Variants in ANGPTL6 observed in about 807,000 individuals in gnomAD.
ANGPTL6 encodes angiopoietin-related protein 6.
In ANGPTL6, 45 loss-of-function variants were observed where a neutral mutation model predicts 47.4. The ratio of observed to expected loss-of-function variants is 0.95; its 90% CI spans 0.75 to 1.22. The LOEUF (loss-of-function observed/expected upper bound fraction) is 1.22. Among genes scored for constraint, ANGPTL6 ranks in the 50% most tolerant of loss-of-function variants. ANGPTL6 has a pLI of 0.00. For synonymous variants in ANGPTL6, 290 were observed against 295.9 expected, an observed-to-expected ratio of 0.98 and a Z score of 0.20; for missense variants, 698 against 669.4, an observed-to-expected ratio of 1.04 and a Z score of -0.47.
Position 10,092,748 on chromosome 19 carries a change from C to T in ANGPTL6, c.1254G>A (p.Trp418Ter), listed in dbSNP as rs1341111356. The T allele has an allele frequency of 8.1e-6, 13 of 1,609,620 alleles. No individual in the cohort carries two copies. Among genetic ancestry groups the T allele is most frequent in the Non-Finnish European group, 1.1e-5 (13 of 1,176,544 alleles). The change falls in exon 6 of 6, where the codon TGG (tryptophan) becomes TGA (stop). Residue 418 changes from tryptophan (W) to a stop codon, truncating the protein, a stop_gained. Coordinates refer to ENST00000253109, the MANE Select transcript of ANGPTL6 (RefSeq NM_031917.3). LOFTEE classifies it high-confidence loss of function. ...TGGAGTGGGCACAGGCATGGTACCACCAGCCTCCCCGCTGGTACAGGGCAC... is the reference window on the plus strand; with the variant it reads ...TGGAGTGGGCACAGGCATGGTACCATCAGCCTCCCCGCTGGTACAGGGCAC... ...GNCALYQRGG[W>*]WYHACAHSNL...
chr19:10,092,637 TGCCCCACCA>T lies in ANGPTL6; in HGVS notation c.1356_1364del (p.Gly453_Ala455del), dbSNP rs2088417290. The T allele has an allele frequency of 6.2e-7, 1 of 1,613,494 alleles. No individual in the cohort carries two copies. The highest frequency in any genetic ancestry group is 8.5e-7 in the Non-Finnish European group (1 of 1,179,634). On this transcript the variant is annotated inframe_deletion, in exon 6 of 6. Coordinates refer to ENST00000253109, the MANE Select transcript of ANGPTL6 (RefSeq NM_031917.3). ...GCATGGCGGCCTTCCTGAGAGAATA[TGCCCCACCA>T]CGAAACTCAGCCCAGTAGACACCAT...
chr19:10,104,081 C>CAAAAAAAAAAAAAAAAA (rs33948028), upstream of ANGPTL6, among the ~76,000 whole-genome samples: 6 of 74,146 alleles, frequency 8.1e-5, no homozygotes, highest in African/African-American at 2.1e-4. Flanking sequence ...GACTCTGTCT[C>CAAAAAAAAAAAAAAAAA]AAAAAAAAAA....
chr19:10,098,776 A>G (rs933986845), intron 1 of ANGPTL6, among the ~76,000 whole-genome samples: 34 of 151,882 alleles, frequency 2.2e-4, no homozygotes, highest in Admixed American at 1.8e-3. Context: ...GTGAGCCGAG[A>G]TCGCACCACC....
chr19:10,095,913 A>C, intron 2 of ANGPTL6, 69 bp downstream of exon 2: 34 of 941,152 alleles, frequency 3.6e-5, no homozygotes, highest in South Asian at 4.6e-5. Flanking sequence ...ACTGTGGATA[A>C]GAGATCGTGG....
chr19:10,099,828 CCTCTCTCTCTCTCTCTTTCTCTCTTT>C (rs2088637695), intron 1 of ANGPTL6, among the ~76,000 whole-genome samples: 3 of 137,890 alleles, frequency 2.2e-5, no homozygotes, highest in Non-Finnish European at 4.7e-5. Context: ...TCTGTCTCTC[CCTCTCTCTCTCTCTCTTTCTCTCTTT>C]CTCTCTCTCT....
In ANGPTL6 at chr19:10,096,501, C is replaced by T. The variant is rs2088548590; in HGVS notation, c.63G>A (p.Arg21=). 3 of 1,512,816 alleles carry T rather than the reference C, an allele frequency of 2.0e-6. No homozygotes were observed. The highest frequency in any genetic ancestry group is 1.2e-5 in the South Asian group (1 of 82,890). 93.7% of individuals were successfully genotyped at this position (1,512,816 alleles called of 1,614,324 possible). ...LLLLLGASWA[R]AGAPRCTYTF... is the part of the protein sequence containing the mutation. The stretch of plus-strand genomic sequence containing the variant: ...TGTAGGTGCAGCGCGGGGCGCCCGC[C>T]CGCGCCCACGACGCGCCCAGCAGGA... The change falls in exon 2 of 6, where the codon CGG becomes CGA. Residue 21 remains arginine, a synonymous_variant. Transcript: ENST00000253109.
At position 10,093,675 on chromosome 19, in the gene ANGPTL6, CTGCCCACCTG is replaced by C; in HGVS notation, c.951+8_951+17del. ...ACAGGCTCCCTCCCCTTCCCTGCCT[CTGCCCACCTG>C]TGCCCACCTTATAGTGCTGCCAGGT... On this transcript the variant is annotated splice_region_variant and intron_variant, in intron 4 of 5. Coordinates refer to ENST00000253109, the MANE Select transcript of ANGPTL6 (RefSeq NM_031917.3). 1 of 1,613,712 alleles carries C rather than the reference CTGCCCACCTG, an allele frequency of 6.2e-7. No individual in the cohort carries two copies. Among genetic ancestry groups the C allele is most frequent in the Non-Finnish European group, 8.5e-7 (1 of 1,179,610 alleles).
Position 10,095,839 on chromosome 19 carries a change from A to G in ANGPTL6, c.582+143T>C, listed in dbSNP as rs2088514845. The G allele has an allele frequency of 1.5e-5, 7 of 454,354 alleles. No individual in the cohort carries two copies. In the Admixed American group the frequency reaches 1.8e-4, roughly 11 times the overall value. 28.1% of individuals were successfully genotyped at this position (454,354 alleles called of 1,614,324 possible). ...ATAAATAGCCACCAGTCACTTTTTG[A>G]CCCAAATAAGTTACCAGAAGGGGCG... On this transcript the variant is annotated intron_variant, in intron 2 of 5. Coordinates refer to ENST00000253109, the MANE Select transcript of ANGPTL6 (RefSeq NM_031917.3).
intron 2 of ANGPTL6, among the ~76,000 whole-genome samples, chr19:10,095,716 C>A (rs1348769339): frequency 6.6e-6 from 1 of 152,142 alleles, no homozygotes; most frequent in Non-Finnish European, 1.5e-5. Context: ...ATAGAATATA[C>A]ATAACACTCC....
upstream of ANGPTL6, among the ~76,000 whole-genome samples, chr19:10,105,636 G>C (rs569109551): frequency 4.0e-4 from 61 of 151,926 alleles, no homozygotes; most frequent in South Asian, 3.7e-3. Context: ...AGACACATCT[G>C]GGGGAGAGGA....
chr19:10,094,748 G>A lies in ANGPTL6; in HGVS notation c.763+10C>T, dbSNP rs2088486402. Reference sequence around the variant, plus strand: ...CTACCCACAATTCCTCAGCCCTAATGTCGACTTACCCACAGGCTTGGTGGG... The same window carrying A: ...CTACCCACAATTCCTCAGCCCTAATATCGACTTACCCACAGGCTTGGTGGG... On this transcript the variant is annotated intron_variant, in intron 3 of 5. Transcript: ENST00000253109. 2 of 1,614,154 alleles carry A rather than the reference G, an allele frequency of 1.2e-6. No homozygotes were observed. Among genetic ancestry groups the A allele is most frequent in the Middle Eastern group, 1.6e-4 (1 of 6,062 alleles).
At position 10,096,148 on chromosome 19, in the gene ANGPTL6, A is replaced by T. The variant is rs554909694; in HGVS notation, c.416T>A (p.Leu139His). Residue 139 changes from leucine to histidine, a missense_variant, in exon 2 of 6, where the codon CTC (leucine) becomes CAC (histidine). By Grantham distance (99) the Leu-to-His change is moderately conservative. Transcript: ENST00000253109. ...GGACGCGTTGAGCACGCGCTCCCCG[A>T]GCAGCGCCAGCGCCGCGGCAGGCTC... ...GAEPAAALALLGERVLNASAE... is the reference protein window; with the variant it reads ...GAEPAAALALHGERVLNASAE... The T allele has an allele frequency of 1.2e-5, 16 of 1,354,238 alleles. No homozygotes were observed. The highest frequency in any genetic ancestry group is 1.5e-5 in the Non-Finnish European group (16 of 1,052,578). The allele number at this position is 1,354,238 out of a possible 1,614,324, so 83.9% of individuals were successfully genotyped here.
upstream of ANGPTL6, among the ~76,000 whole-genome samples, chr19:10,105,321 G>A (rs911708041): frequency 1.3e-5 from 2 of 152,182 alleles, no homozygotes; most frequent in African/African-American, 2.4e-5. Flanking sequence ...GTCACAGAGA[G>A]GGGCTGAAGA....
intron 1 of ANGPTL6, among the ~76,000 whole-genome samples, chr19:10,097,649 C>A (rs962417620): frequency 3.0e-4 from 45 of 151,810 alleles, no homozygotes; most frequent in Non-Finnish European, 1.2e-4. Context: ...GTCAAGAGAT[C>A]GAGACCATCC....
chr19:10,092,775 G>A lies in ANGPTL6; in HGVS notation c.1227C>T (p.Asn409=). The A allele has an allele frequency of 6.3e-7, 1 of 1,596,860 alleles. No individual in the cohort carries two copies. The highest frequency in any genetic ancestry group is 8.6e-7 in the Non-Finnish European group (1 of 1,166,896). ...AGCCTCCCCGCTGGTACAGGGCACA[G>A]TTACCTGAGGGGAGAGAGAGAGTCC... The part of the protein sequence containing the change: ...VDRDRDSYSG[N]CALYQRGGWW... The change falls in exon 6 of 6, where the codon AAC becomes AAT. Residue 409 remains asparagine (N), a synonymous_variant. Coordinates refer to ENST00000253109, the MANE Select transcript of ANGPTL6 (RefSeq NM_031917.3).
rs2088458091 is a variant in ANGPTL6, at chr19:10,093,770, C to T, written c.874G>A (p.Glu292Lys). ...VVSVWCEQQL[E>K]GGGWTVIQRR... is the part of the protein sequence containing the mutation. ...TGGATCACAGTCCAGCCTCCACCCTCCAGTTGCTGCTCACACCATACTGAC... is the reference window on the plus strand; with the variant it reads ...TGGATCACAGTCCAGCCTCCACCCTTCAGTTGCTGCTCACACCATACTGAC... The change falls in exon 4 of 6, where the codon GAG becomes AAG. Residue 292 changes from glutamate (E) to lysine (K), a missense_variant. Physicochemically the swap from Glu to Lys is moderately conservative, Grantham distance 56. Coordinates refer to ENST00000253109, the MANE Select transcript of ANGPTL6 (RefSeq NM_031917.3). 1 of 1,614,138 alleles carries T rather than the reference C, an allele frequency of 6.2e-7. No individual in the cohort carries two copies. The highest frequency in any genetic ancestry group is 1.1e-5 in the South Asian group (1 of 91,094).
chr19:10,105,717 G>T (rs138605378), upstream of ANGPTL6, among the ~76,000 whole-genome samples: 1 of 152,218 alleles, frequency 6.6e-6, no homozygotes, highest in African/African-American at 2.4e-5. Context: ...GTAATGTTCA[G>T]CCCAGTGAGG....
chr19:10,094,347 C>T (rs1191026111), intron 3 of ANGPTL6, among the ~76,000 whole-genome samples: 2 of 152,100 alleles, frequency 1.3e-5, no homozygotes, highest in Non-Finnish European at 2.9e-5. Context: ...GGGGTTTCAC[C>T]GTGTTAGCCA....
chr19:10,094,949 G>C lies in ANGPTL6; in HGVS notation c.583-11C>G. 1 of 1,593,682 alleles carries C rather than the reference G, an allele frequency of 6.3e-7. No individual in the cohort carries two copies. The highest frequency in any genetic ancestry group is 1.3e-5 in the African/African-American group (1 of 74,224). On this transcript the variant is annotated splice_polypyrimidine_tract_variant and intron_variant, in intron 2 of 5. Transcript: ENST00000253109. The stretch of plus-strand genomic sequence containing the variant: ...GGGTGGCGGCAGGACCTGGGGTGAC[G>C]GAGAAAGTCAGGTGTAATTGCACTA...
Sources: allele counts gnomAD v4.1 joint callset (sites outside exome capture counted in the v4.1 genomes callset), GRCh38; gene constraint gnomAD v4.1.1; transcripts MANE v1.5; gene names NCBI Gene and HGNC (gene_info 2026-07-23, HGNC 2026-07-21).